The following NAV2 variants were observed in gnomAD, a reference collection of about 807,000 sequenced individuals.
NAV2 encodes helicase, APC down-regulated 1.
A neutral mutation model predicts 223.2 loss-of-function variants in NAV2; 54 were observed. That is an observed-to-expected ratio of 0.24 (90% CI 0.19 to 0.30). The LOEUF (loss-of-function observed/expected upper bound fraction) is 0.30. NAV2 is among the 10% of genes least tolerant of loss of function. The pLI is 1.00. For synonymous variants in NAV2, 1,279 were observed against 1,239.3 expected (o/e 1.03, Z -0.67); for missense variants, 2,806 against 3,147.5 (o/e 0.89, Z 2.60).
At chr11:19,992,670 C>T (rs1298894966) in intron 11 of NAV2, among the ~76,000 whole-genome samples, 1 of 149,582 alleles carries the variant, frequency 6.7e-6, no homozygotes, top group Non-Finnish European at 1.5e-5. Flanking sequence ...TCAATGTAAC[C>T]TCTGCCTTCC....
At chr11:19,589,273 A>C (rs1016970178) in intron 1 of NAV2, among the ~76,000 whole-genome samples, 1 of 152,264 alleles carries the variant, frequency 6.6e-6, no homozygotes, top group African/African-American at 2.4e-5. Context: ...AAACAAAAAA[A>C]ACCTCCCAGC....
chr11:19,729,204 G>C (rs993283432), intron 1 of NAV2, among the ~76,000 whole-genome samples: 1 of 152,168 alleles, frequency 6.6e-6, no homozygotes. Context: ...GGGAAGGAGG[G>C]AACTGGGTGA....
At chr11:19,399,367 T>C (rs574199068) in intron 1 of NAV2, among the ~76,000 whole-genome samples, 37 of 152,218 alleles carry the variant, frequency 2.4e-4, no homozygotes, top group Non-Finnish European at 4.7e-4. Context: ...TGGGCAGTAA[T>C]GCAGGCGCCT....
rs556520711 is a variant in NAV2, at chr11:20,102,755, T to G, written c.6418-500T>G. On this transcript the variant is annotated intron_variant, in intron 32 of 37. Coordinates refer to ENST00000349880, the MANE Select transcript of NAV2 (RefSeq NM_145117.5). ...ATGCAGGGCTGTGTTCTAGTCCCTG[T>G]TGAGCCAATGCCCCACCCGTTCTCC... Among the ~76,000 whole-genome samples, 4 of 152,270 alleles carry G rather than the reference T, an allele frequency of 2.6e-5. No homozygotes were observed. In the East Asian group the frequency reaches 5.8e-4, roughly 22 times the overall value.
intron 10 of NAV2, among the ~76,000 whole-genome samples, chr11:19,958,525 A>G (rs963910538): frequency 1.3e-5 from 2 of 152,206 alleles, no homozygotes; most frequent in Non-Finnish European, 2.9e-5. Context: ...TTTGACCTGC[A>G]GTCCAGGCTG....
intron 1 of NAV2, among the ~76,000 whole-genome samples, chr11:19,400,407 C>T (rs1432811861): frequency 6.6e-6 from 1 of 152,200 alleles, no homozygotes; most frequent in Non-Finnish European, 1.5e-5. Context: ...TCTGTTCCAG[C>T]TGGTACCTTC....
At chr11:19,496,816 C>T (rs1037825541) in intron 1 of NAV2, among the ~76,000 whole-genome samples, 4 of 151,954 alleles carry the variant, frequency 2.6e-5, no homozygotes, top group Non-Finnish European at 5.9e-5. Context: ...AATGTGATCA[C>T]TAAAAAACAA....
chr11:19,384,141 T>A (rs1172169812), intron 1 of NAV2, among the ~76,000 whole-genome samples: 1 of 152,180 alleles, frequency 6.6e-6, no homozygotes, highest in Non-Finnish European at 1.5e-5. Flanking sequence ...TACATAACAG[T>A]GTATGTTCCA....
intron 11 of NAV2, among the ~76,000 whole-genome samples, chr11:20,032,156 G>C (rs117570995): frequency 0.022 from 3,301 of 152,272 alleles, 63 homozygotes; most frequent in East Asian, 0.044. Context: ...TTTGGTTTCT[G>C]GCCACAGACA....
chr11:19,988,461 A>T (rs757886346), intron 11 of NAV2, among the ~76,000 whole-genome samples: 1 of 152,212 alleles, frequency 6.6e-6, no homozygotes, highest in Non-Finnish European at 1.5e-5. Flanking sequence ...GCTGTGTGGT[A>T]AAGAGTCAGC....
chr11:19,713,758 C>G lies in NAV2; in HGVS notation c.63C>G (p.Ala21=). 6.2e-7 allele frequency: 1 copy of G among 1,612,360 alleles called. No individual in the cohort carries two copies. Among genetic ancestry groups the G allele is most frequent in the Non-Finnish European group, 8.5e-7 (1 of 1,179,460 alleles). ...KSGLPKPVHS[A]APILHVPPAR... ...GACTGCCCAAACCCGTGCACAGCGCCGCGCCCATCCTGCACGTGCCCCCGG... is the reference window on the plus strand; with the variant it reads ...GACTGCCCAAACCCGTGCACAGCGCGGCGCCCATCCTGCACGTGCCCCCGG... The change falls in exon 1 of 38, where the codon GCC becomes GCG. Residue 21 remains alanine, a synonymous_variant. Transcript: ENST00000349880. This position sits in a 1 kb window ranked among gnomAD's most constrained non-coding sequence, Gnocchi z 7.2.
intron 1 of NAV2, 55 bp from the exon 2 acceptor site, chr11:19,832,429 C>G: frequency 7.0e-7 from 1 of 1,422,536 alleles, no homozygotes; most frequent in East Asian, 2.3e-5. Context: ...CTGCCTCAGA[C>G]TCTGAGAGGG....
rs779010484 is a variant in NAV2 at position 20,054,190 on chromosome 11, G to A, written c.4592G>A (p.Gly1531Asp). 3 of 1,613,124 alleles carry A rather than the reference G, an allele frequency of 1.9e-6. No homozygotes were observed. The highest frequency in any genetic ancestry group is 8.5e-7 in the Non-Finnish European group (1 of 1,179,836). The change falls in exon 18 of 38, where the codon GGC becomes GAC. Residue 1531 changes from glycine (G) to aspartate (D), a missense_variant. Gly to Asp is a moderately conservative substitution (Grantham distance 94). Transcript: ENST00000349880. ...DTAANSPFSSGSSVTSPSGTR... is the reference protein window; with the variant it reads ...DTAANSPFSSDSSVTSPSGTR... The stretch of plus-strand genomic sequence containing the variant: ...GCTGCCAATTCCCCCTTTTCCTCTG[G>A]CTCCAGCGTGACTTCTCCCTCCGGA...
intron 1 of NAV2, among the ~76,000 whole-genome samples, chr11:19,524,311 C>A (rs907590375): frequency 6.6e-6 from 1 of 152,192 alleles, no homozygotes; most frequent in African/African-American, 2.4e-5. Context: ...TGTGTGATGT[C>A]ACTTGGCCAC....
At chr11:19,547,651 A>C (rs2044546571) in intron 1 of NAV2, among the ~76,000 whole-genome samples, 2 of 152,030 alleles carry the variant, frequency 1.3e-5, no homozygotes, top group Non-Finnish European at 2.9e-5. Context: ...GGGACCCCTT[A>C]CTAATGGAAG....
At chr11:19,363,129 C>G (rs898061845) in intron 1 of NAV2, among the ~76,000 whole-genome samples, 1 of 152,172 alleles carries the variant, frequency 6.6e-6, no homozygotes, top group African/African-American at 2.4e-5. Flanking sequence ...TATCCCTCCC[C>G]TAGCCCCCCA....
chr11:19,939,374 C>T (rs1287934128), intron 7 of NAV2, among the ~76,000 whole-genome samples: 6 of 152,138 alleles, frequency 3.9e-5, no homozygotes, highest in Non-Finnish European at 7.4e-5. Flanking sequence ...TCTGGCTAGA[C>T]CTAGCATCCT....
At chr11:19,558,143 C>T (rs555999550) in intron 1 of NAV2, among the ~76,000 whole-genome samples, 1 of 152,252 alleles carries the variant, frequency 6.6e-6, no homozygotes, top group South Asian at 2.1e-4. Context: ...TCAGTTTCTC[C>T]ATGGGGTTGA....
intron 1 of NAV2, among the ~76,000 whole-genome samples, chr11:19,381,185 T>C (rs1782009146): frequency 6.6e-6 from 1 of 152,128 alleles, no homozygotes; most frequent in Admixed American, 6.5e-5. Context: ...TTGAGGGAGA[T>C]TCTCTCCTCT....
Sources: gnomAD v4.1 joint callset for allele counts (sites outside exome capture counted in the v4.1 genomes callset) on GRCh38, gnomAD v4.1.1 for gene constraint, Gnocchi (gnomAD v3.1) non-coding constraint, MANE v1.5 for transcripts, NCBI Gene and HGNC (gene_info 2026-07-23, HGNC 2026-07-21) for gene names.